NPLOC4: variants seen among roughly 807,000 people sequenced by gnomAD.
The protein encoded by NPLOC4 is nuclear protein localization protein 4 homolog.
A neutral mutation model predicts 80.6 loss-of-function variants in NPLOC4; 18 were observed. That is an observed-to-expected ratio of 0.22 (90% CI 0.15 to 0.33). The LOEUF (loss-of-function observed/expected upper bound fraction) is 0.33. Among genes scored for constraint, NPLOC4 ranks in the 10% least tolerant of loss-of-function variants. The pLI is 1.00. For synonymous variants in NPLOC4, 313 were observed against 301.5 expected (o/e 1.04, Z -0.39); for missense variants, 540 against 786.1 (o/e 0.69, Z 3.74).
chr17:81,607,928 G>A (rs766013318), intron 6 of NPLOC4, among the ~76,000 whole-genome samples: 6 of 152,116 alleles, frequency 3.9e-5, no homozygotes, highest in African/African-American at 7.2e-5. Context: ...CCATCTCCTC[G>A]TTGCACTGAC....
intron 2 of NPLOC4, among the ~76,000 whole-genome samples, chr17:81,628,226 A>T (rs1197565577): frequency 6.6e-6 from 1 of 150,618 alleles, no homozygotes; most frequent in African/African-American, 2.5e-5. Context: ...AAAAAAAAGA[A>T]AAAAAAAAGA....
intron 12 of NPLOC4, among the ~76,000 whole-genome samples, chr17:81,578,819 C>T (rs1179572859): frequency 3.3e-5 from 5 of 152,222 alleles, no homozygotes; most frequent in African/African-American, 1.2e-4. Context: ...AAAGCCTATC[C>T]ATATCACAAA....
chr17:81,612,263 T>A (rs1276212286), intron 4 of NPLOC4, among the ~76,000 whole-genome samples: 3 of 152,124 alleles, frequency 2.0e-5, no homozygotes, highest in African/African-American at 7.2e-5. Context: ...TCAGAATTCT[T>A]ACATGCGTAT....
At chr17:81,604,464 G>T in intron 8 of NPLOC4, 84 bp downstream of exon 8, 1 of 1,275,726 alleles carries the variant, frequency 7.8e-7, no homozygotes, top group Non-Finnish European at 1.1e-6. Context: ...ACAACAAAGC[G>T]AACAGGGCAA....
intron 16 of NPLOC4, 50 bp from the exon 17 acceptor site, chr17:81,559,466 A>T (rs1281338084): frequency 6.4e-7 from 1 of 1,552,136 alleles, no homozygotes; most frequent in East Asian, 2.3e-5. Context: ...CCCACCAGAG[A>T]CTGCCAGAGT....
At chr17:81,629,192 C>CTTTT (rs141999520) in intron 2 of NPLOC4, among the ~76,000 whole-genome samples, 1 of 115,784 alleles carries the variant, frequency 8.6e-6, no homozygotes, top group Admixed American at 1.0e-4. Flanking sequence ...TTATGAAATA[C>CTTTT]TTTTTTTTTT....
intron 12 of NPLOC4, among the ~76,000 whole-genome samples, chr17:81,581,375 A>AAGTC (rs1555680406): frequency 0.01 from 746 of 72,828 alleles, 220 homozygotes; most frequent in Non-Finnish European, 0.014. Context: ...AAAAAAAAAA[A>AAGTC]AGTTAATAAA....
intron 2 of NPLOC4, among the ~76,000 whole-genome samples, chr17:81,628,166 A>G (rs1208435581): frequency 6.6e-5 from 10 of 151,850 alleles, no homozygotes; most frequent in Non-Finnish European, 2.9e-5. Flanking sequence ...AGCCAAGATC[A>G]TGCCACTGCA....
At chr17:81,598,478 C>A (rs752338044) in intron 9 of NPLOC4, among the ~76,000 whole-genome samples, 2 of 152,156 alleles carry the variant, frequency 1.3e-5, no homozygotes, top group Non-Finnish European at 2.9e-5. Context: ...TCCTGACAAG[C>A]TAAGAAAAAG....
At chr17:81,603,407 G>A (rs1271595354) in intron 8 of NPLOC4, among the ~76,000 whole-genome samples, 1 of 151,896 alleles carries the variant, frequency 6.6e-6, no homozygotes, top group Non-Finnish European at 1.5e-5. Context: ...ACCAACCTGG[G>A]CAATATAGCG....
chr17:81,604,113 T>C (rs1206407127), intron 8 of NPLOC4, among the ~76,000 whole-genome samples: 1 of 152,090 alleles, frequency 6.6e-6, no homozygotes, highest in Admixed American at 6.6e-5. Flanking sequence ...CAGTCCTATT[T>C]TGGTGGCAGT....
chr17:81,594,553 A>T (rs1192750350), intron 11 of NPLOC4, among the ~76,000 whole-genome samples: 1 of 152,044 alleles, frequency 6.6e-6, no homozygotes, highest in Non-Finnish European at 1.5e-5. Flanking sequence ...AGGTGGGCGG[A>T]TCACGAGGTC....
intron 3 of NPLOC4, among the ~76,000 whole-genome samples, chr17:81,616,803 C>A (rs2035506280): frequency 6.6e-6 from 1 of 151,972 alleles, no homozygotes; most frequent in Non-Finnish European, 1.5e-5. Context: ...GAGAGTTAGA[C>A]TGCCAAAGAC....
At chr17:81,611,225 C>A (rs2035331070) in intron 4 of NPLOC4, among the ~76,000 whole-genome samples, 1 of 152,056 alleles carries the variant, frequency 6.6e-6, no homozygotes, top group Admixed American at 6.6e-5. Flanking sequence ...GAGGCTGAGG[C>A]AGGAGAATTG....
chr17:81,561,937 C>T (rs2144011001), intron 16 of NPLOC4: 1 of 152,240 alleles, frequency 6.6e-6, no homozygotes, highest in East Asian at 1.9e-4. Context: ...GCCTATGACC[C>T]ATCCTGAGCT....
intron 11 of NPLOC4, among the ~76,000 whole-genome samples, chr17:81,594,328 A>G: frequency 1.3e-5 from 2 of 150,924 alleles, no homozygotes; most frequent in East Asian, 3.9e-4. Flanking sequence ...TTCACTTGTA[A>G]AATAGTTAAC....
intron 16 of NPLOC4, chr17:81,564,118 A>ACACACACAGACACACACAC: frequency 9.3e-6 from 3 of 323,728 alleles, no homozygotes; most frequent in East Asian, 9.4e-5. Flanking sequence ...ACACACACAC[A>ACACACACAGACACACACAC]AAGAGCAGGG....
rs2033735524 is a variant in NPLOC4, at chr17:81,558,749, C to T, written c.*510G>A. ...GGAGCCGTGTCCAGGGCCACTGCGTCCCCACCAGACAACAGCTACTAGAAG... is the reference window on the plus strand; with the variant it reads ...GGAGCCGTGTCCAGGGCCACTGCGTTCCCACCAGACAACAGCTACTAGAAG... On this transcript the variant is annotated 3_prime_UTR_variant, in exon 17 of 17. Coordinates refer to ENST00000331134, the MANE Select transcript of NPLOC4 (RefSeq NM_017921.4). 6.5e-6 allele frequency: 1 copy of T among 152,864 alleles called. No homozygotes were observed. Among genetic ancestry groups the T allele is most frequent in the Non-Finnish European group, 1.5e-5 (1 of 68,556 alleles). The allele number at this position is 152,864 out of a possible 1,614,324, so 9.5% of individuals were successfully genotyped here. A position where few individuals can be genotyped will look rare whatever the true frequency, so the allele number is the denominator to read the frequency against.
intron 3 of NPLOC4, among the ~76,000 whole-genome samples, chr17:81,614,866 A>C (rs903438819): frequency 2.6e-5 from 4 of 152,156 alleles, no homozygotes; most frequent in African/African-American, 9.6e-5. Flanking sequence ...TCTGACAGAT[A>C]TCTAACTGCT....
Sources: gnomAD v4.1 joint callset for allele counts (sites outside exome capture counted in the v4.1 genomes callset) on GRCh38, gnomAD v4.1.1 for gene constraint, MANE v1.5 for transcripts, NCBI Gene and HGNC (gene_info 2026-07-23, HGNC 2026-07-21) for gene names.